GRID1: variants seen among roughly 807,000 people sequenced by gnomAD.
GRID1 encodes the protein glutamate ionotropic receptor delta type subunit 1.
GRID1 carries 28 observed loss-of-function variants against 98.0 expected under a neutral mutation model. That is an observed-to-expected ratio of 0.29 (90% CI 0.21 to 0.39). GRID1 has a LOEUF of 0.39. GRID1 is among the 10% of genes least tolerant of loss of function. The probability of loss-of-function intolerance (pLI) is 1.00; values close to 1 mark genes in which losing one functional copy is unlikely to be tolerated. For missense variants in GRID1, 1,111 were observed against 1,340.5 expected (o/e 0.83, Z 2.67); for synonymous variants, 553 against 538.5 (o/e 1.03, Z -0.37).
chr10:86,268,338 G>A (rs1016647561), intron 2 of GRID1, among the ~76,000 whole-genome samples: 2 of 152,204 alleles, frequency 1.3e-5, no homozygotes, highest in African/African-American at 4.8e-5. Context: ...CCTCTCTACC[G>A]GTATCACCAA....
intron 4 of GRID1, among the ~76,000 whole-genome samples, chr10:86,110,513 G>T (rs1484990712): frequency 2.0e-5 from 3 of 152,160 alleles, no homozygotes; most frequent in Non-Finnish European, 4.4e-5. Flanking sequence ...GGCAATGGGG[G>T]GAAAGCTGGG....
chr10:86,068,240 A>ACCACATGCATGATG (rs1843748135), intron 4 of GRID1, among the ~76,000 whole-genome samples: 1 of 152,196 alleles, frequency 6.6e-6, no homozygotes, highest in Non-Finnish European at 1.5e-5. Flanking sequence ...TTGATGCTGA[A>ACCACATGCATGATG]ATTCATGCAA....
intron 4 of GRID1, among the ~76,000 whole-genome samples, chr10:85,965,676 A>G (rs1008306045): frequency 2.0e-5 from 3 of 152,136 alleles, no homozygotes; most frequent in African/African-American, 7.2e-5. Context: ...TATGAGAAAT[A>G]CCTAATGTAG....
chr10:85,612,716 G>C (rs2132513245), intron 15 of GRID1, among the ~76,000 whole-genome samples: 1 of 151,836 alleles, frequency 6.6e-6, no homozygotes, highest in Non-Finnish European at 1.5e-5. Flanking sequence ...GGGGGACCTT[G>C]GTGAAGGCTT....
chr10:86,130,200 A>ACGGTTTGTTACACTG (rs67602882), intron 4 of GRID1, among the ~76,000 whole-genome samples: 64,547 of 152,070 alleles, frequency 0.42, 16,758 homozygotes, highest in African/African-American at 0.73. Context: ...GAGTTTTAGG[A>ACGGTTTGTTACACTG]CACACAGCTA....
At chr10:85,787,312 ACT>A (rs1256731752) in intron 8 of GRID1, among the ~76,000 whole-genome samples, 4 of 151,748 alleles carry the variant, frequency 2.6e-5, no homozygotes, top group Non-Finnish European at 4.4e-5. Flanking sequence ...GGATCTGAAC[ACT>A]CTGTCCTCAG....
At position 86,002,976 on chromosome 10, in the gene GRID1, G is replaced by A. The variant is rs117046220; in HGVS notation, c.727-86737C>T. ...AGATCTTAGGGTTGGCCCTAACTCC[G>A]CTTGCAGAGCAAGGGATGACTGTCC... On this transcript the variant is annotated intron_variant, in intron 4 of 15. Transcript: ENST00000327946. Among the ~76,000 whole-genome samples the A allele has an allele frequency of 4.9e-3, 744 of 152,288 alleles. 2 individuals are homozygous for A. The highest frequency in any genetic ancestry group is 8.8e-3 in the Non-Finnish European group (597 of 68,028).
chr10:85,798,940 GA>G lies in GRID1; in HGVS notation c.1233+55555del, dbSNP rs1263223600. ...AAGTTATTGCCTAGACCAATGTCATGAAGTGTTTCTCCCATATTTTTTTCTG... is the reference window on the plus strand; with the variant it reads ...AAGTTATTGCCTAGACCAATGTCATGAGTGTTTCTCCCATATTTTTTTCTG... On this transcript the variant is annotated intron_variant, in intron 8 of 15. Transcript: ENST00000327946. Among the ~76,000 whole-genome samples the G allele has an allele frequency of 4.3e-3, 654 of 152,118 alleles. 6 individuals are homozygous for G. The highest frequency in any genetic ancestry group is 0.015 in the African/African-American group (613 of 41,514).
chr10:85,797,104 A>G (rs1260078383), intron 8 of GRID1, among the ~76,000 whole-genome samples: 1 of 152,250 alleles, frequency 6.6e-6, no homozygotes, highest in Non-Finnish European at 1.5e-5. Flanking sequence ...ATAAGAAACC[A>G]AAATGGGAAT....
At chr10:85,814,716 A>C (rs1016503512) in intron 8 of GRID1, among the ~76,000 whole-genome samples, 1 of 151,980 alleles carries the variant, frequency 6.6e-6, no homozygotes, top group Non-Finnish European at 1.5e-5. Flanking sequence ...CATACAAACT[A>C]CTATAAACTA....
At chr10:85,640,792 C>G (rs1355389184) in intron 13 of GRID1, among the ~76,000 whole-genome samples, 1 of 152,196 alleles carries the variant, frequency 6.6e-6, no homozygotes, top group East Asian at 1.9e-4. Context: ...AGAGGTGATG[C>G]CCACATGCAA....
intron 4 of GRID1, among the ~76,000 whole-genome samples, chr10:86,011,008 A>G (rs1439437479): frequency 6.6e-6 from 1 of 152,186 alleles, no homozygotes; most frequent in Non-Finnish European, 1.5e-5. Context: ...TCTTTAAAGG[A>G]CAGGGTAGGT....
At chr10:85,653,533 G>A (rs189797770) in intron 12 of GRID1, among the ~76,000 whole-genome samples, 46 of 152,338 alleles carry the variant, frequency 3.0e-4, no homozygotes, top group Non-Finnish European at 4.9e-4. Flanking sequence ...GACCTTCCAG[G>A]AAGCCTAGGA....
chr10:85,757,936 A>C (rs904954064), intron 8 of GRID1, among the ~76,000 whole-genome samples: 15 of 152,174 alleles, frequency 9.9e-5, no homozygotes, highest in Admixed American at 2.6e-4. Context: ...CCAGAACAGA[A>C]AGGCCAGGTA....
At chr10:86,225,841 T>C (rs1450890769) in intron 2 of GRID1, among the ~76,000 whole-genome samples, 1 of 152,200 alleles carries the variant, frequency 6.6e-6, no homozygotes, top group Non-Finnish European at 1.5e-5. Context: ...CAAGCCAATG[T>C]GCCCTCAGCA....
chr10:85,636,059 A>G (rs1223437679), intron 13 of GRID1, among the ~76,000 whole-genome samples: 1 of 152,232 alleles, frequency 6.6e-6, no homozygotes, highest in Non-Finnish European at 1.5e-5. Context: ...GACTTGATGC[A>G]TAGGAGAAAC....
chr10:85,983,737 G>A (rs922103478), intron 4 of GRID1, among the ~76,000 whole-genome samples: 1 of 152,162 alleles, frequency 6.6e-6, no homozygotes, highest in Non-Finnish European at 1.5e-5. Context: ...AGCTCCCATA[G>A]AGTCTCCAAG....
chr10:85,913,955 G>T (rs540209073), intron 5 of GRID1, among the ~76,000 whole-genome samples: 1 of 152,158 alleles, frequency 6.6e-6, no homozygotes, highest in African/African-American at 2.4e-5. Context: ...GTGCACTGCC[G>T]GGCTGGCACA....
chr10:86,283,384 C>T (rs1847382313), intron 2 of GRID1, among the ~76,000 whole-genome samples: 1 of 152,140 alleles, frequency 6.6e-6, no homozygotes, highest in South Asian at 2.1e-4. Context: ...TGGTGAGGGG[C>T]CCCAGTATCT....
Sources: gnomAD v4.1 joint callset for allele counts (sites outside exome capture counted in the v4.1 genomes callset) on GRCh38, gnomAD v4.1.1 for gene constraint, MANE v1.5 for transcripts, NCBI Gene and HGNC (gene_info 2026-07-23, HGNC 2026-07-21) for gene names.